The following ASIC2 variants were observed in gnomAD, a reference collection of about 807,000 sequenced individuals.
ASIC2 encodes acid-sensing ion channel 2.
A neutral mutation model predicts 57.3 loss-of-function variants in ASIC2; 25 were observed. The observed-to-expected ratio is 0.44, with a 90% CI of 0.32 to 0.61. The LOEUF (loss-of-function observed/expected upper bound fraction) is 0.61. ASIC2 is among the 20% of genes least tolerant of loss of function. The pLI is 0.06. For synonymous variants in ASIC2, 319 were observed against 307.5 expected, an observed-to-expected ratio of 1.04 and a Z score of -0.39; for missense variants, 641 against 738.1, an observed-to-expected ratio of 0.87 and a Z score of 1.52.
intron 1 of ASIC2, among the ~76,000 whole-genome samples, chr17:33,668,577 G>A (rs936280191): frequency 6.6e-6 from 1 of 152,022 alleles, no homozygotes; most frequent in African/African-American, 2.4e-5. Context: ...ATAGTCCAGG[G>A]TACTCTCCCC....
At chr17:33,935,450 C>T (rs959245195) in intron 1 of ASIC2, 1 of 152,166 alleles carries the variant, frequency 6.6e-6, no homozygotes, top group African/African-American at 2.4e-5. Context: ...CATTAATAAA[C>T]AATGCTATTA....
intron 1 of ASIC2, among the ~76,000 whole-genome samples, chr17:33,614,983 G>A (rs1005915524): frequency 6.6e-6 from 1 of 152,178 alleles, no homozygotes; most frequent in Non-Finnish European, 1.5e-5. Flanking sequence ...GTCTGTCAAT[G>A]CATTAATTAC....
rs550474405 is a variant in ASIC2, at chr17:33,602,609, C to T, written c.556-490542G>A. Among the ~76,000 whole-genome samples the T allele has an allele frequency of 9.9e-5, 15 of 152,268 alleles. 1 individual carries two copies. Among genetic ancestry groups the T allele is most frequent in the Middle Eastern group, 3.4e-3 (1 of 294 alleles). On this transcript the variant is annotated intron_variant, in intron 1 of 9. Transcript: ENST00000359872. The stretch of plus-strand genomic sequence containing the variant: ...TAGCAGCACAAAATAAATAGATGCC[C>T]CCACCCATTCATAGGACAAGGCCCT...
At chr17:34,039,668 G>A in intron 1 of ASIC2, 1 of 1,612,570 alleles carries the variant, frequency 6.2e-7, no homozygotes, top group Non-Finnish European at 8.5e-7. Flanking sequence ...CTTTCATATG[G>A]TTCAGCTTTT....
intron 1 of ASIC2, among the ~76,000 whole-genome samples, chr17:33,388,597 C>T (rs951319494): frequency 2.0e-5 from 3 of 152,218 alleles, no homozygotes; most frequent in Non-Finnish European, 4.4e-5. Context: ...CAGCAGTGAT[C>T]ACTCATTCAC....
chr17:33,816,273 T>C (rs1912578439), intron 1 of ASIC2, among the ~76,000 whole-genome samples: 1 of 152,048 alleles, frequency 6.6e-6, no homozygotes, highest in Non-Finnish European at 1.5e-5. Context: ...TCATTCTTAA[T>C]GTTCCAAAAT....
At chr17:33,779,504 CT>C (rs1414401564) in intron 1 of ASIC2, among the ~76,000 whole-genome samples, 2 of 152,218 alleles carry the variant, frequency 1.3e-5, no homozygotes, top group African/African-American at 2.4e-5. Context: ...CCAGCTAGGG[CT>C]TTTGTCCCGT....
chr17:33,384,258 T>C (rs1253165690), intron 1 of ASIC2, among the ~76,000 whole-genome samples: 2 of 152,210 alleles, frequency 1.3e-5, no homozygotes, highest in African/African-American at 4.8e-5. Context: ...ACCCAAGATT[T>C]TGTCACATTG....
At chr17:34,031,792 C>T (rs111724960) in intron 1 of ASIC2, among the ~76,000 whole-genome samples, 22,807 of 151,810 alleles carry the variant, frequency 0.15, 1,827 homozygotes, top group East Asian at 0.29. Flanking sequence ...TGAAATGAAG[C>T]GAGAAGAGAA....
chr17:33,129,143 A>T (rs1317643528), intron 1 of ASIC2, among the ~76,000 whole-genome samples: 1 of 152,234 alleles, frequency 6.6e-6, no homozygotes, highest in Non-Finnish European at 1.5e-5. Context: ...AAGTGAGTAC[A>T]CCTGTGTGGC....
intron 1 of ASIC2, among the ~76,000 whole-genome samples, chr17:33,721,264 G>A (rs1909379776): frequency 6.6e-6 from 1 of 151,978 alleles, no homozygotes; most frequent in Non-Finnish European, 1.5e-5. Context: ...CAGGAATTTG[G>A]GGATTCATTC....
At position 33,708,235 on chromosome 17, in the gene ASIC2, A is replaced by G. The variant is rs144378190; in HGVS notation, c.555+447743T>C. Among the ~76,000 whole-genome samples the G allele has an allele frequency of 2.4e-4, 37 of 152,346 alleles. 1 individual carries two copies. In the East Asian group the frequency reaches 5.4e-3, roughly 22 times the overall value. ...TATTGCCTTAAATTCTAAAGTGTTT[A>G]CAGAGTTCCAGAATGGAAATTGGTT... On this transcript the variant is annotated intron_variant, in intron 1 of 9. Coordinates refer to the ASIC2 transcript ENST00000359872.
intron 1 of ASIC2, among the ~76,000 whole-genome samples, chr17:33,795,236 C>G (rs1019165321): frequency 2.6e-5 from 4 of 152,198 alleles, no homozygotes. Flanking sequence ...GTGTTCTCAC[C>G]AACACTACTC....
intron 1 of ASIC2, among the ~76,000 whole-genome samples, chr17:33,612,647 G>A (rs990863188): frequency 1.3e-5 from 2 of 152,128 alleles, no homozygotes; most frequent in African/African-American, 2.4e-5. Flanking sequence ...TCATTTTCAG[G>A]CTGAGGTGTG....
chr17:33,731,715 A>C, intron 1 of ASIC2, among the ~76,000 whole-genome samples: 1 of 152,252 alleles, frequency 6.6e-6, no homozygotes, highest in East Asian at 1.9e-4. Context: ...CTAAATCATA[A>C]GTGTCTCAGC....
At chr17:34,026,732 T>A (rs993253177) in intron 1 of ASIC2, among the ~76,000 whole-genome samples, 4 of 152,176 alleles carry the variant, frequency 2.6e-5, no homozygotes, top group African/African-American at 9.7e-5. Flanking sequence ...TCAGACCATT[T>A]AAGCCAATTC....
At chr17:34,005,775 T>G (rs1336385995) in intron 1 of ASIC2, 2 of 152,258 alleles carry the variant, frequency 1.3e-5, no homozygotes, top group Non-Finnish European at 2.9e-5. Flanking sequence ...TTAACAGTTG[T>G]GTACCCTGAT....
At chr17:33,710,879 T>C (rs989790134) in intron 1 of ASIC2, among the ~76,000 whole-genome samples, 1 of 152,198 alleles carries the variant, frequency 6.6e-6, no homozygotes, top group African/African-American at 2.4e-5. Context: ...CCCTGGGTTA[T>C]AAATAAGATG....
At chr17:33,346,926 G>T (rs1428292984) in intron 1 of ASIC2, among the ~76,000 whole-genome samples, 1 of 152,122 alleles carries the variant, frequency 6.6e-6, no homozygotes, top group African/African-American at 2.4e-5. Context: ...AATAGGAGGG[G>T]GAAATGTGGA....
Sources: gnomAD v4.1 joint callset for allele counts (sites outside exome capture counted in the v4.1 genomes callset) on GRCh38, gnomAD v4.1.1 for gene constraint, MANE v1.5 for transcripts, NCBI Gene and HGNC (gene_info 2026-07-23, HGNC 2026-07-21) for gene names.